The following SHC3 variants were observed in gnomAD, a reference collection of about 807,000 sequenced individuals.
SHC3 encodes the protein SHC adaptor protein 3.
Under a neutral mutation model 60.4 loss-of-function variants are expected in SHC3, and 15 were observed. The ratio of observed to expected loss-of-function variants is 0.25; its 90% CI spans 0.17 to 0.38. SHC3 has a LOEUF of 0.38. Among genes scored for constraint, SHC3 ranks in the 10% least tolerant of loss-of-function variants. The pLI, the probability that SHC3 is intolerant of heterozygous loss-of-function variation, is 1.00. For synonymous variants in SHC3, 294 were observed against 325.9 expected (o/e 0.90, Z 1.05); for missense variants, 677 against 786.1 (o/e 0.86, Z 1.66).
At chr9:89,073,295 A>C (rs1434111287) in intron 4 of SHC3, among the ~76,000 whole-genome samples, 1 of 152,238 alleles carries the variant, frequency 6.6e-6, no homozygotes, top group Non-Finnish European at 1.5e-5. Context: ...GTGTGATTGT[A>C]TGTTATCTCT....
At position 89,009,206 on chromosome 9, in the gene SHC3, C is replaced by T. The variant is rs1326102033; in HGVS notation, c.*4241G>A. 1 of 152,280 alleles carries T rather than the reference C, an allele frequency of 6.6e-6. No individual in the cohort carries two copies. The highest frequency in any genetic ancestry group is 2.4e-5 in the African/African-American group (1 of 41,446). The allele number at this position is 152,280 out of a possible 1,614,324, so 9.4% of individuals were successfully genotyped here. On this transcript the variant is annotated 3_prime_UTR_variant, in exon 12 of 12. Coordinates refer to ENST00000375835, the MANE Select transcript of SHC3 (RefSeq NM_016848.6). ...CCCTACTGGGCTGTCTTACCAAGCT[C>T]CCTTCCCTGTGATCCTGTGTGGAGC... is the stretch of plus-strand genomic sequence containing the variant.
chr9:89,098,156 A>T (rs1484226578), intron 2 of SHC3, among the ~76,000 whole-genome samples: 1 of 152,238 alleles, frequency 6.6e-6, no homozygotes, highest in Non-Finnish European at 1.5e-5. Flanking sequence ...GGGAAATTCT[A>T]TAAAGTAACT....
At chr9:89,094,554 GTGTC>G (rs915135616) in intron 2 of SHC3, among the ~76,000 whole-genome samples, 1 of 152,192 alleles carries the variant, frequency 6.6e-6, no homozygotes, top group African/African-American at 2.4e-5. Flanking sequence ...TGTTTACTAA[GTGTC>G]TGGCCCTTTT....
At chr9:89,117,852 TATG>T (rs1292042556) in intron 1 of SHC3, among the ~76,000 whole-genome samples, 12 of 152,316 alleles carry the variant, frequency 7.9e-5, no homozygotes, top group African/African-American at 2.6e-4. Flanking sequence ...TGGGAAGAGT[TATG>T]ATATTTAGCT....
At chr9:89,109,695 C>T (rs771190295) in intron 2 of SHC3, 35 of 985,378 alleles carry the variant, frequency 3.6e-5, no homozygotes, top group Non-Finnish European at 4.0e-5. Flanking sequence ...CACCCCCATG[C>T]ACTCCAGGTT....
chr9:89,041,145 G>A (rs7847236), intron 10 of SHC3, among the ~76,000 whole-genome samples: 15,251 of 152,190 alleles, frequency 0.1, 2,474 homozygotes, highest in African/African-American at 0.35. Context: ...TAAAATTCTC[G>A]AGGAATATGA....
chr9:89,127,609 T>C (rs1299608053), intron 1 of SHC3, among the ~76,000 whole-genome samples: 1 of 152,190 alleles, frequency 6.6e-6, no homozygotes, highest in Non-Finnish European at 1.5e-5. Context: ...TTGGAGGGTG[T>C]CAGAAATTAC....
intron 2 of SHC3, among the ~76,000 whole-genome samples, chr9:89,097,507 C>T (rs991451878): frequency 6.6e-6 from 1 of 152,164 alleles, no homozygotes; most frequent in Admixed American, 6.5e-5. Flanking sequence ...GCCCTGGGGG[C>T]AGAAAGGAAG....
intron 2 of SHC3, among the ~76,000 whole-genome samples, chr9:89,094,836 G>A (rs577553671): frequency 1.3e-5 from 2 of 152,182 alleles, no homozygotes; most frequent in South Asian, 4.1e-4. Context: ...GGGACTTTGG[G>A]ATGTAAAGCA....
chr9:89,107,098 G>A (rs1470536063), intron 2 of SHC3, among the ~76,000 whole-genome samples: 1 of 152,138 alleles, frequency 6.6e-6, no homozygotes, highest in Non-Finnish European at 1.5e-5. Context: ...ACCAGCTAAG[G>A]GACTGTCAGG....
chr9:89,125,159 T>A (rs771944997), intron 1 of SHC3, among the ~76,000 whole-genome samples: 1 of 152,106 alleles, frequency 6.6e-6, no homozygotes, highest in Non-Finnish European at 1.5e-5. Context: ...GCCAGCAGCA[T>A]CAACATCAAC....
At chr9:89,136,010 A>C (rs73498197) in intron 1 of SHC3, among the ~76,000 whole-genome samples, 4,503 of 152,270 alleles carry the variant, frequency 0.03, 204 homozygotes, top group African/African-American at 0.1. Context: ...AACACTTATT[A>C]ATCTTCCAGA....
intron 2 of SHC3, among the ~76,000 whole-genome samples, chr9:89,105,482 A>G (rs1047501465): frequency 6.6e-6 from 1 of 152,214 alleles, no homozygotes; most frequent in African/African-American, 2.4e-5. Flanking sequence ...CTGATACTGG[A>G]TCATTTCATC....
chr9:89,125,242 G>A (rs76532301), intron 1 of SHC3, among the ~76,000 whole-genome samples: 1 of 152,136 alleles, frequency 6.6e-6, no homozygotes, highest in Non-Finnish European at 1.5e-5. Flanking sequence ...CCAGTCAAGT[G>A]TGAGATCTGC....
rs140915119 is a variant in SHC3 at position 89,089,417 on chromosome 9, G to A, written c.546-11514C>T. 6.0e-4 allele frequency among the ~76,000 whole-genome samples: 91 copies of A among 152,240 alleles called. 1 individual carries two copies. In the East Asian group the frequency reaches 0.016, roughly 27 times the overall value. ...CGCTGATCTTGGAGCCTGGGGGGTG[G>A]AGCAGGAGGGAACTGGGACCTGGGG... On this transcript the variant is annotated intron_variant, in intron 2 of 11. Transcript: ENST00000375835.
intron 1 of SHC3, among the ~76,000 whole-genome samples, chr9:89,156,592 CAAACT>C (rs984322999): frequency 3.3e-5 from 5 of 152,008 alleles, no homozygotes; most frequent in Non-Finnish European, 1.5e-5. Flanking sequence ...AATAGCCAAA[CAAACT>C]AAAGTCACAA....
chr9:89,143,868 A>C (rs1826430863), intron 1 of SHC3, among the ~76,000 whole-genome samples: 1 of 152,042 alleles, frequency 6.6e-6, no homozygotes, highest in Admixed American at 6.6e-5. Flanking sequence ...TATATCCCTC[A>C]TTTTCAGGCG....
intron 1 of SHC3, among the ~76,000 whole-genome samples, chr9:89,134,912 T>C (rs1826297955): frequency 6.6e-6 from 1 of 152,148 alleles, no homozygotes; most frequent in Admixed American, 6.6e-5. Flanking sequence ...GCTGATCTTT[T>C]GTTTTGTTTT....
Position 89,011,109 on chromosome 9 carries a change from A to C in SHC3, c.*2338T>G, listed in dbSNP as rs1826008886. 1.3e-5 allele frequency: 2 copies of C among 152,250 alleles called. No individual in the cohort carries two copies. The highest frequency in any genetic ancestry group is 2.9e-5 in the Non-Finnish European group (2 of 68,044). 9.4% of individuals were successfully genotyped at this position (152,250 alleles called of 1,614,324 possible). ...GAAGCCTGCTCACTTCACTGGCACT[A>C]TTCTAGTGTAACCAATATATAATCT... On this transcript the variant is annotated 3_prime_UTR_variant, in exon 12 of 12. Coordinates refer to ENST00000375835, the MANE Select transcript of SHC3 (RefSeq NM_016848.6).
Sources: gnomAD v4.1 joint callset for allele counts (sites outside exome capture counted in the v4.1 genomes callset) on GRCh38, gnomAD v4.1.1 for gene constraint, MANE v1.5 for transcripts, NCBI Gene and HGNC (gene_info 2026-07-23, HGNC 2026-07-21) for gene names.